The following TMC7 variants were observed in gnomAD, a reference collection of about 807,000 sequenced individuals.
TMC7 encodes the protein transmembrane channel like 7.
A neutral mutation model predicts 82.9 loss-of-function variants in TMC7; 54 were observed. That is an observed-to-expected ratio of 0.65 (90% CI 0.52 to 0.82). The LOEUF (loss-of-function observed/expected upper bound fraction) is 0.82, where lower values mean the gene tolerates loss of function less well. TMC7 is among the 40% of genes least tolerant of loss of function. The pLI is 0.00. For missense variants in TMC7, 820 were observed against 901.2 expected (o/e 0.91, Z 1.15); for synonymous variants, 350 against 337.9 (o/e 1.04, Z -0.39).
chr16:19,056,045 A>G (rs1052955978), intron 13 of TMC7, among the ~76,000 whole-genome samples: 3 of 151,498 alleles, frequency 2.0e-5, no homozygotes, highest in African/African-American at 4.8e-5. Flanking sequence ...AGTTAGGTCT[A>G]GAGACTTGAT....
At chr16:19,036,622 A>C (rs569501582) in intron 7 of TMC7, among the ~76,000 whole-genome samples, 1 of 152,302 alleles carries the variant, frequency 6.6e-6, no homozygotes, top group East Asian at 1.9e-4. Flanking sequence ...AGTCTGAGGC[A>C]AGAGAATCAA....
intron 1 of TMC7, among the ~76,000 whole-genome samples, chr16:18,998,033 AC>A (rs1303797888): frequency 2.0e-5 from 3 of 151,874 alleles, no homozygotes; most frequent in African/African-American, 7.3e-5. Flanking sequence ...AGCCTGGCCA[AC>A]CTTTTTTTTT....
intron 1 of TMC7, among the ~76,000 whole-genome samples, chr16:18,991,765 G>A (rs551644354): frequency 3.7e-4 from 56 of 152,172 alleles, no homozygotes; most frequent in African/African-American, 1.2e-3. Flanking sequence ...GCCCCGGTGT[G>A]TGATGTTCCC....
intron 2 of TMC7, among the ~76,000 whole-genome samples, chr16:19,010,179 A>G (rs1386512300): frequency 9.4e-6 from 1 of 106,804 alleles, no homozygotes; most frequent in Non-Finnish European, 1.7e-5. Flanking sequence ...TTTGAGACAC[A>G]GTTTCACTCT....
In TMC7 at chr16:19,063,911, C is replaced by T. The variant is rs1247667131; in HGVS notation, c.*2068C>T. On this transcript the variant is annotated 3_prime_UTR_variant, in exon 16 of 16. Transcript: ENST00000304381. ...TCTCTAACAAATGTGCCTTACAACT[C>T]CTGATTAAACGGCGTCTTGAAGGTT... The T allele has an allele frequency of 1.3e-5, 2 of 152,120 alleles. No individual in the cohort carries two copies. The highest frequency in any genetic ancestry group is 1.5e-5 in the Non-Finnish European group (1 of 68,044). 9.4% of individuals were successfully genotyped at this position (152,120 alleles called of 1,614,324 possible). A position where few individuals can be genotyped will look rare whatever the true frequency, so the allele number is the denominator to read the frequency against.
rs1962046803 is a variant in TMC7 at position 19,062,409 on chromosome 16, C to T, written c.*566C>T. On this transcript the variant is annotated 3_prime_UTR_variant, in exon 16 of 16. Transcript: ENST00000304381. ...TTGGGAGGCCGAGGCAGGCGGAGCACCTAAGTTGGGGAGTTCAAGACCAGC... is the reference window on the plus strand; with the variant it reads ...TTGGGAGGCCGAGGCAGGCGGAGCATCTAAGTTGGGGAGTTCAAGACCAGC... The T allele has an allele frequency of 6.6e-6, 1 of 152,238 alleles. No individual in the cohort carries two copies. The highest frequency in any genetic ancestry group is 2.4e-5 in the African/African-American group (1 of 41,454). 9.4% of individuals were successfully genotyped at this position (152,238 alleles called of 1,614,324 possible).
At chr16:19,061,647 A>T (rs910781333) in intron 15 of TMC7, 131 bp from the exon 16 acceptor site, 3 of 685,452 alleles carry the variant, frequency 4.4e-6, no homozygotes, top group Non-Finnish European at 7.3e-6. Flanking sequence ...TGGAGCAGAC[A>T]CAATGACAGA....
intron 7 of TMC7, 141 bp from the exon 8 acceptor site, chr16:19,037,733 A>G (rs1960820365): frequency 1.2e-6 from 1 of 847,264 alleles, no homozygotes; most frequent in Non-Finnish European, 1.8e-6. Context: ...TTGGCCTGCC[A>G]CGGTGCTAGG....
At chr16:19,051,238 CT>C (rs35452001) in intron 12 of TMC7, among the ~76,000 whole-genome samples, 115,199 of 133,064 alleles carry the variant, frequency 0.87, 50,340 homozygotes, top group Non-Finnish European at 0.94. Context: ...CCACCAAAAT[CT>C]TTTTTTTTTT....
intron 13 of TMC7, among the ~76,000 whole-genome samples, chr16:19,053,846 T>C (rs1961648976): frequency 7.1e-6 from 1 of 140,226 alleles, no homozygotes; most frequent in South Asian, 2.2e-4. Flanking sequence ...GTGTCTTTTC[T>C]TTCTTTTTTT....
chr16:19,044,085 C>G (rs1013969371), intron 9 of TMC7, among the ~76,000 whole-genome samples: 4 of 150,232 alleles, frequency 2.7e-5, no homozygotes, highest in African/African-American at 9.8e-5. Flanking sequence ...CTAGGCCAGT[C>G]TTGAATTCCT....
At chr16:18,994,804 G>C (rs545041102) in intron 1 of TMC7, among the ~76,000 whole-genome samples, 1 of 152,220 alleles carries the variant, frequency 6.6e-6, no homozygotes, top group African/African-American at 2.4e-5. Context: ...GAGTTTATAG[G>C]CTTTAAAAGG....
chr16:18,997,840 C>T (rs1377473712), intron 1 of TMC7, among the ~76,000 whole-genome samples: 3 of 151,536 alleles, frequency 2.0e-5, no homozygotes, highest in Non-Finnish European at 4.4e-5. Context: ...CACCATTCTC[C>T]TGCCTCAGCA....
At chr16:19,026,699 A>G (rs150643077) in intron 5 of TMC7, among the ~76,000 whole-genome samples, 5 of 152,308 alleles carry the variant, frequency 3.3e-5, no homozygotes, top group African/African-American at 1.2e-4. Context: ...TGTCTGAAAG[A>G]GAACTTTCTG....
At chr16:19,003,806 G>A (rs2039185299) in intron 1 of TMC7, among the ~76,000 whole-genome samples, 1 of 87,618 alleles carries the variant, frequency 1.1e-5, no homozygotes. Context: ...TGCAAGATGT[G>A]CTTTGTTAAA....
intron 13 of TMC7, among the ~76,000 whole-genome samples, chr16:19,054,379 C>A (rs551975803): frequency 6.6e-6 from 1 of 152,048 alleles, no homozygotes; most frequent in African/African-American, 2.4e-5. Context: ...ATCTTCCCCC[C>A]CAACCACATT....
chr16:19,041,513 GGGCCACCATGCCT>G (rs1961013553), intron 9 of TMC7, among the ~76,000 whole-genome samples: 1 of 151,920 alleles, frequency 6.6e-6, no homozygotes, highest in African/African-American at 2.4e-5. Context: ...CTACAGGCAC[GGGCCACCATGCCT>G]GGCTAATTTT....
intron 11 of TMC7, among the ~76,000 whole-genome samples, chr16:19,046,278 G>A (rs1239002768): frequency 1.3e-5 from 2 of 152,250 alleles, no homozygotes; most frequent in South Asian, 2.1e-4. Context: ...TAAGCTCTGT[G>A]CCTATTTTCT....
At chr16:19,009,828 C>A (rs1038722613) in intron 2 of TMC7, among the ~76,000 whole-genome samples, 41 of 150,996 alleles carry the variant, frequency 2.7e-4, no homozygotes, top group African/African-American at 8.7e-4. Context: ...GTAGTCCCAG[C>A]TACTCTGGAG....
Sources: allele counts gnomAD v4.1 joint callset (sites outside exome capture counted in the v4.1 genomes callset), GRCh38; gene constraint gnomAD v4.1.1; transcripts MANE v1.5; gene names NCBI Gene and HGNC (gene_info 2026-07-23, HGNC 2026-07-21).